The following CLECL1 variants were observed in gnomAD, a reference collection of about 807,000 sequenced individuals.
CLECL1 encodes the protein C-type lectin like 1, also known as C-type lectin-like domain family 1.
At chr12:9,706,537 CAG>C in the CLECL1 span, among the ~76,000 whole-genome samples, 1 of 152,094 alleles carries the variant, frequency 6.6e-6, no homozygotes. Context: ...CCTTAAACAC[CAG>C]GTAGATTGAG....
intron 3 of CLECL1, among the ~76,000 whole-genome samples, chr12:9,724,536 A>T (rs752853563): frequency 9.2e-5 from 14 of 152,220 alleles, no homozygotes; most frequent in Non-Finnish European, 1.8e-4. Flanking sequence ...AAGCCAAATG[A>T]AATTTAGAAT....
downstream of CLECL1, among the ~76,000 whole-genome samples, chr12:9,711,170 C>G (rs1362881287): frequency 6.6e-6 from 1 of 152,132 alleles, no homozygotes; most frequent in Non-Finnish European, 1.5e-5. Flanking sequence ...TGTAAGCTCC[C>G]CTAGAGGTTT....
chr12:9,703,616 A>G, the CLECL1 span, among the ~76,000 whole-genome samples: 5 of 152,194 alleles, frequency 3.3e-5, no homozygotes, highest in African/African-American at 1.2e-4. Flanking sequence ...GCTGGTCTCA[A>G]AATTTTGGGG....
At chr12:9,717,302 G>A (rs776842354) in intron 2 of CLECL1, among the ~76,000 whole-genome samples, 3 of 152,188 alleles carry the variant, frequency 2.0e-5, no homozygotes, top group African/African-American at 4.8e-5. Context: ...GATGATGGCC[G>A]TAATGAGCAG....
Position 9,724,929 on chromosome 12 carries a change from C to T in CLECL1, n.263-2116G>A, listed in dbSNP as rs1235758279. Among the ~76,000 whole-genome samples the T allele has an allele frequency of 4.6e-5, 7 of 152,190 alleles. 1 individual carries two copies. The South Asian group carries it at 1.4e-3, about 32-fold the overall frequency. On this transcript the variant is annotated intron_variant and non_coding_transcript_variant, in intron 3 of 3. Transcript: ENST00000621400. ...AAGCCAAAGATAAAAATCTTGAAAACAGTTTTTGTGCATTACCTGCAAGAA... is the reference window on the plus strand; with the variant it reads ...AAGCCAAAGATAAAAATCTTGAAAATAGTTTTTGTGCATTACCTGCAAGAA...
chr12:9,723,820 C>G (rs114093506), intron 3 of CLECL1, among the ~76,000 whole-genome samples: 1 of 152,014 alleles, frequency 6.6e-6, no homozygotes, highest in East Asian at 1.9e-4. Context: ...ACAAGACAAC[C>G]GAACTGAGAC....
intron 2 of CLECL1, among the ~76,000 whole-genome samples, chr12:9,728,384 T>G (rs954856531): frequency 3.3e-5 from 5 of 151,754 alleles, no homozygotes; most frequent in Non-Finnish European, 7.4e-5. Flanking sequence ...AAATATATAA[T>G]CTCTAATTCT....
chr12:9,731,927 T>C (rs1413810575), intron 1 of CLECL1, among the ~76,000 whole-genome samples: 2 of 152,208 alleles, frequency 1.3e-5, no homozygotes, highest in African/African-American at 2.4e-5. Flanking sequence ...TTTTGAAGCA[T>C]AGGGGAATGA....
rs1866449827 is a variant in CLECL1, at chr12:9,731,753, T to A, written n.82+1196A>T. Among the ~76,000 whole-genome samples the A allele has an allele frequency of 2.6e-5, 4 of 152,212 alleles. No homozygotes were observed. The South Asian group carries it at 8.3e-4, about 32-fold the overall frequency. On this transcript the variant is annotated intron_variant and non_coding_transcript_variant, in intron 1 of 3. Transcript: ENST00000621400. ...TGAACTAGATCACATTAAAAGATGT[T>A]GCCCCACATCCCTAAACTGGGAAAA...
the CLECL1 span, among the ~76,000 whole-genome samples, chr12:9,710,099 A>G: frequency 6.6e-6 from 1 of 152,234 alleles, no homozygotes; most frequent in Non-Finnish European, 1.5e-5. Flanking sequence ...CAACAGAGTG[A>G]AACAACTTGG....
At chr12:9,729,350 A>T (rs930506881) in intron 2 of CLECL1, among the ~76,000 whole-genome samples, 1 of 152,152 alleles carries the variant, frequency 6.6e-6, no homozygotes, top group Non-Finnish European at 1.5e-5. Flanking sequence ...TCTTGATCAT[A>T]AAATAAGCAA....
downstream of CLECL1, chr12:9,718,699 T>C: frequency 1.4e-6 from 1 of 699,458 alleles, no homozygotes; most frequent in Non-Finnish European, 2.6e-6. Flanking sequence ...AAGAAGAAAT[T>C]TGGATACACA....
chr12:9,727,987 C>T (rs759224311), intron 2 of CLECL1, among the ~76,000 whole-genome samples: 4 of 151,780 alleles, frequency 2.6e-5, no homozygotes, highest in Non-Finnish European at 4.4e-5. Context: ...GGATATGACT[C>T]ATATTTAGAT....
At chr12:9,719,673 G>T (rs984882377), downstream of CLECL1, among the ~76,000 whole-genome samples, 1 of 152,140 alleles carries the variant, frequency 6.6e-6, no homozygotes, top group African/African-American at 2.4e-5. Context: ...GAGTTCAAGT[G>T]GGCTATAATC....
chr12:9,716,796 G>T (rs1472602487), intron 2 of CLECL1: 15 of 1,251,860 alleles, frequency 1.2e-5, no homozygotes, highest in Non-Finnish European at 1.5e-5. Context: ...AGAGGAGAAA[G>T]AAAATAATGA....
chr12:9,719,891 T>C (rs748434352), downstream of CLECL1, among the ~76,000 whole-genome samples: 1 of 152,376 alleles, frequency 6.6e-6, no homozygotes, highest in Admixed American at 6.5e-5. Context: ...CTGGGCATTT[T>C]AGTTTCCATT....
chr12:9,718,799 A>G, downstream of CLECL1: 1 of 696,628 alleles, frequency 1.4e-6, no homozygotes, highest in East Asian at 2.7e-5. Flanking sequence ...GAGATGCCTC[A>G]GAAGAAACCA....
chr12:9,703,411 T>TTTATTTAC, the CLECL1 span, among the ~76,000 whole-genome samples: 1 of 146,946 alleles, frequency 6.8e-6, no homozygotes, highest in Non-Finnish European at 1.5e-5. Flanking sequence ...TATTTATTTA[T>TTTATTTAC]TGAGACAAGG....
chr12:9,709,256 G>A, the CLECL1 span: 1 of 151,894 alleles, frequency 6.6e-6, no homozygotes, highest in Non-Finnish European at 1.5e-5. Flanking sequence ...GAGTCCCAGA[G>A]GCACCCCCAA....
Sources: allele counts gnomAD v4.1 joint callset (sites outside exome capture counted in the v4.1 genomes callset), GRCh38; gene constraint gnomAD v4.1.1; transcripts MANE v1.5; gene names NCBI Gene and HGNC (gene_info 2026-07-23, HGNC 2026-07-21).